Variants in BTBD7 observed in about 807,000 individuals in gnomAD.
BTBD7 encodes the protein BTB/POZ domain-containing protein 7.
BTBD7 carries 38 observed loss-of-function variants against 99.9 expected under a neutral mutation model. The observed-to-expected ratio is 0.38, with a 90% CI of 0.29 to 0.50. The LOEUF (loss-of-function observed/expected upper bound fraction) is 0.50, where lower values mean the gene tolerates loss of function less well. Ranked by LOEUF, BTBD7 falls within the 20% of genes least tolerant of loss-of-function variation. The pLI is 0.93. For synonymous variants in BTBD7, 520 were observed against 511.4 expected, an observed-to-expected ratio of 1.02 and a Z score of -0.23; for missense variants, 1,170 against 1,394.6, an observed-to-expected ratio of 0.84 and a Z score of 2.57.
intron 1 of BTBD7, among the ~76,000 whole-genome samples, chr14:93,312,395 T>G (rs1503960): frequency 6.6e-6 from 1 of 152,128 alleles, no homozygotes; most frequent in Non-Finnish European, 1.5e-5. Flanking sequence ...CTTTTTCAAA[T>G]AGAAATCTTT....
chr14:93,331,939 T>C (rs994006686), intron 1 of BTBD7, among the ~76,000 whole-genome samples: 2 of 149,590 alleles, frequency 1.3e-5, no homozygotes, highest in Admixed American at 1.3e-4. Context: ...AAATGTCTAC[T>C]TTCTCATTAC....
chr14:93,255,375 C>T (rs2052418123), intron 6 of BTBD7: 1 of 151,190 alleles, frequency 6.6e-6, no homozygotes, highest in Non-Finnish European at 1.5e-5. Flanking sequence ...TTGAACTCCT[C>T]AACTCAAGTG....
At chr14:93,271,921 G>A (rs2052605474) in intron 3 of BTBD7, among the ~76,000 whole-genome samples, 1 of 152,160 alleles carries the variant, frequency 6.6e-6, no homozygotes, top group Non-Finnish European at 1.5e-5. Context: ...TGGGAAGACC[G>A]CTTGAACCTG....
At chr14:93,319,632 G>T (rs6575320) in intron 1 of BTBD7, among the ~76,000 whole-genome samples, 3 of 151,776 alleles carry the variant, frequency 2.0e-5, no homozygotes, top group South Asian at 2.1e-4. Context: ...AAGAGTGAAA[G>T]GGGAGTTGTC....
intron 1 of BTBD7, among the ~76,000 whole-genome samples, chr14:93,310,979 C>A (rs991794785): frequency 4.0e-5 from 6 of 151,736 alleles, no homozygotes; most frequent in African/African-American, 1.5e-4. Context: ...TGGAAAAATT[C>A]TATAAAAAAA....
Position 93,294,244 on chromosome 14 carries a change from A to G in BTBD7, c.776T>C (p.Leu259Pro). The G allele has an allele frequency of 6.2e-6, 10 of 1,613,840 alleles. No individual in the cohort carries two copies. The highest frequency in any genetic ancestry group is 8.5e-6 in the Non-Finnish European group (10 of 1,179,954). ...CTGATTTCCACCAAAAGCTTCAACC[A>G]GTTCAGAGTCTGAAGAAAAACTAAG... ...VVLSFSSDSE[L>P]VEAFGGNQNC... The change falls in exon 3 of 11, where the codon CTG becomes CCG. Residue 259 changes from leucine to proline, a missense_variant. Leu to Pro is a moderately conservative substitution (Grantham distance 98, BLOSUM62 -3). This residue lies in a region of BTBD7 where 359 missense variants were observed against 497.9 expected (regional missense o/e 0.72). Coordinates refer to ENST00000334746, the MANE Select transcript of BTBD7 (RefSeq NM_001002860.4).
chr14:93,325,213 A>G (rs948741709), intron 1 of BTBD7, among the ~76,000 whole-genome samples: 1 of 148,346 alleles, frequency 6.7e-6, no homozygotes, highest in Non-Finnish European at 1.5e-5. Context: ...TCTTGGGGAC[A>G]AGCGATTCTC....
chr14:93,245,271 T>C (rs2052291290), intron 10 of BTBD7, among the ~76,000 whole-genome samples: 1 of 152,182 alleles, frequency 6.6e-6, no homozygotes, highest in African/African-American at 2.4e-5. Flanking sequence ...CTGGCTACTA[T>C]GATTCTAAGT....
At position 93,246,222 on chromosome 14, in the gene BTBD7, T is replaced by A. The variant is rs1260554040; in HGVS notation, c.2186A>T (p.Gln729Leu). 1.9e-6 allele frequency: 3 copies of A among 1,589,768 alleles called. No individual in the cohort carries two copies. The highest frequency in any genetic ancestry group is 2.6e-6 in the Non-Finnish European group (3 of 1,166,052). ...ACTGTTTACGCGACATCTCCCAGGC[T>A]GTCTCATTGTCAAGAGTGGACTTTC... ...GDESPLLTMR[Q>L]PGRCRVNSTP... The change falls in exon 10 of 11, where the codon CAG becomes CTG. Residue 729 changes from glutamine to leucine, a missense_variant. Physicochemically the swap from Gln to Leu is moderately radical, Grantham distance 113 (BLOSUM62 -2). Transcript: ENST00000334746.
At chr14:93,260,326 A>T (rs914214642) in intron 5 of BTBD7, among the ~76,000 whole-genome samples, 2 of 152,218 alleles carry the variant, frequency 1.3e-5, no homozygotes, top group African/African-American at 4.8e-5. Flanking sequence ...TTTTCAATTA[A>T]AAATTTTAAA....
intron 7 of BTBD7, among the ~76,000 whole-genome samples, chr14:93,252,497 C>A (rs139279618): frequency 6.6e-6 from 1 of 150,964 alleles, no homozygotes; most frequent in East Asian, 2.0e-4. Context: ...GCTGGGACTA[C>A]AACAGCACAC....
chr14:93,293,092 C>T (rs1366327252), intron 3 of BTBD7, among the ~76,000 whole-genome samples: 1 of 152,164 alleles, frequency 6.6e-6, no homozygotes, highest in Admixed American at 6.6e-5. Flanking sequence ...TAAGAATGCA[C>T]TCTGTCAAAA....
In BTBD7 at chr14:93,239,419, T is replaced by C. The variant is rs1243837890; in HGVS notation, c.*2854A>G. On this transcript the variant is annotated 3_prime_UTR_variant, in exon 11 of 11. Coordinates refer to ENST00000334746, the MANE Select transcript of BTBD7 (RefSeq NM_001002860.4). ...ATACCAAGTAAAATGCCAGTTCCCA[T>C]GGCCTAAATTTTATTTTATATATAT... 1 of 152,050 alleles carries C rather than the reference T, an allele frequency of 6.6e-6. No homozygotes were observed. The highest frequency in any genetic ancestry group is 1.5e-5 in the Non-Finnish European group (1 of 67,938). 9.4% of individuals were successfully genotyped at this position (152,050 alleles called of 1,614,324 possible).
chr14:93,247,073 C>G (rs1051657753), intron 9 of BTBD7, among the ~76,000 whole-genome samples: 5 of 152,172 alleles, frequency 3.3e-5, no homozygotes, highest in Admixed American at 3.3e-4. Flanking sequence ...GTCACCCAGG[C>G]TGGAGTGCAG....
Position 93,253,763 on chromosome 14 carries a change from G to C in BTBD7, c.1636C>G (p.Pro546Ala), listed in dbSNP as rs1566837023. The C allele has an allele frequency of 6.2e-7, 1 of 1,608,348 alleles. No individual in the cohort carries two copies. Among genetic ancestry groups the C allele is most frequent in the Non-Finnish European group, 8.5e-7 (1 of 1,176,158 alleles). Residue 546 changes from proline (P) to alanine (A), a missense_variant, in exon 7 of 11, where the codon CCA (proline) becomes GCA (alanine). By Grantham distance (27) the Pro-to-Ala change is conservative. This residue lies in a region of BTBD7 where 309 missense variants were observed against 342.0 expected (regional missense o/e 0.90). Coordinates refer to ENST00000334746, the MANE Select transcript of BTBD7 (RefSeq NM_001002860.4). ...TCTGTTGTAGGAAGCATATCTGATG[G>C]AGGAGTACTAATCAAGCCTCTTTTC... ...AMKRGLISTP[P>A]SDMLPTTEGG...
chr14:93,261,790 C>T (rs1414455366), intron 4 of BTBD7, 113 bp from the exon 5 acceptor site: 1 of 737,234 alleles, frequency 1.4e-6, no homozygotes, highest in Non-Finnish European at 2.3e-6. Context: ...ATGTTTCACT[C>T]TTTCCATTGG....
intron 3 of BTBD7, among the ~76,000 whole-genome samples, chr14:93,277,012 T>C (rs1045288679): frequency 4.7e-5 from 7 of 150,104 alleles, no homozygotes; most frequent in Admixed American, 2.7e-4. Context: ...AGCAATTCTC[T>C]GATCTCAGCT....
intron 3 of BTBD7, among the ~76,000 whole-genome samples, chr14:93,264,532 G>A (rs1403384421): frequency 6.6e-6 from 1 of 152,104 alleles, no homozygotes; most frequent in Non-Finnish European, 1.5e-5. Flanking sequence ...TGGCAAACTT[G>A]AAAAAGTAAG....
At chr14:93,243,402 C>A (rs2052262295) in intron 10 of BTBD7, among the ~76,000 whole-genome samples, 2 of 152,068 alleles carry the variant, frequency 1.3e-5, no homozygotes, top group Admixed American at 6.5e-5. Context: ...AATGTGTTAG[C>A]CAGGATGGTC....
Sources: allele counts gnomAD v4.1 joint callset (sites outside exome capture counted in the v4.1 genomes callset), GRCh38; gene constraint gnomAD v4.1.1; regional missense constraint gnomAD v4.1.1; transcripts MANE v1.5; gene names NCBI Gene and HGNC (gene_info 2026-07-23, HGNC 2026-07-21).